The following DCAF8L2 variants were observed in gnomAD, a reference collection of about 807,000 sequenced individuals.
DCAF8L2 encodes DDB1 and CUL4 associated factor 8 like 2.
For missense variants in DCAF8L2, 430 were observed against 490.7 expected (o/e 0.88, Z 1.17); for synonymous variants, 200 against 190.9 (o/e 1.05, Z -0.39).
chrX:27,715,447 CATGACACTTTAACTCAATGGTT>C (rs1281769646), intron 3 of DCAF8L2, among the ~76,000 whole-genome samples: 1 of 109,548 alleles, frequency 9.1e-6, no homozygotes, highest in Non-Finnish European at 1.9e-5. Flanking sequence ...TAATAAACGT[CATGACACTTTAACTCAATGGTT>C]AAGAGCACAG....
chrX:27,471,233 A>T, the DCAF8L2 span, among the ~76,000 whole-genome samples: 1 of 111,949 alleles, frequency 8.9e-6, no homozygotes. Flanking sequence ...GTGGTTCAAG[A>T]TTTCTATTAA....
intron 3 of DCAF8L2, among the ~76,000 whole-genome samples, chrX:27,699,828 A>G (rs963613262): frequency 9.0e-6 from 1 of 110,861 alleles, no homozygotes; most frequent in Non-Finnish European, 1.9e-5. Flanking sequence ...GGAGATGGAG[A>G]CCAGCCTGGG....
chrX:27,678,368 A>G (rs188622719), intron 3 of DCAF8L2, among the ~76,000 whole-genome samples: 1 of 111,866 alleles, frequency 8.9e-6, no homozygotes, highest in East Asian at 2.8e-4. Context: ...GGACTCAAGC[A>G]TATAATTGTA....
At chrX:27,482,276 T>G in the DCAF8L2 span, among the ~76,000 whole-genome samples, 5 of 111,557 alleles carry the variant, frequency 4.5e-5, no homozygotes, top group African/African-American at 1.6e-4. Flanking sequence ...ATGTTAAAAT[T>G]TTGGTATGAC....
chrX:27,742,494 G>A (rs1921910315), intron 4 of DCAF8L2, among the ~76,000 whole-genome samples: 1 of 109,018 alleles, frequency 9.2e-6, no homozygotes, highest in Admixed American at 9.8e-5. Context: ...GCTTGAACCC[G>A]GGAGGCAGAG....
the DCAF8L2 span, among the ~76,000 whole-genome samples, chrX:27,511,825 C>A: frequency 6.3e-5 from 7 of 111,926 alleles, no homozygotes; most frequent in Middle Eastern, 4.7e-3. Flanking sequence ...GAAGTGAAGA[C>A]AAGAGTGGTT....
the DCAF8L2 span, among the ~76,000 whole-genome samples, chrX:27,470,828 C>T: frequency 8.9e-6 from 1 of 111,809 alleles, no homozygotes; most frequent in Non-Finnish European, 1.9e-5. Flanking sequence ...GTTTTAGATG[C>T]CTCTTAAGCA....
At chrX:27,564,038 T>C in the DCAF8L2 span, among the ~76,000 whole-genome samples, 167 of 112,218 alleles carry the variant, frequency 1.5e-3, no homozygotes, top group Middle Eastern at 4.6e-3. Flanking sequence ...TCCGTTTTCA[T>C]GCTGCTAATA....
chrX:27,703,000 G>A (rs1422066190), intron 3 of DCAF8L2, among the ~76,000 whole-genome samples: 1 of 111,693 alleles, frequency 9.0e-6, no homozygotes. Context: ...CAGCAAGGCT[G>A]AAGGATACAA....
the DCAF8L2 span, among the ~76,000 whole-genome samples, chrX:27,498,321 C>T: frequency 8.9e-6 from 1 of 112,372 alleles, no homozygotes; most frequent in Non-Finnish European, 1.9e-5. Flanking sequence ...AATTTCTCCA[C>T]ATCCTCACCA....
At chrX:27,664,931 C>T (rs1209845688) in intron 2 of DCAF8L2, among the ~76,000 whole-genome samples, 1 of 111,365 alleles carries the variant, frequency 9.0e-6, no homozygotes, top group Non-Finnish European at 1.9e-5. Context: ...AACATTACTG[C>T]TCATTGACAA....
the DCAF8L2 span, among the ~76,000 whole-genome samples, chrX:27,572,212 A>T: frequency 9.0e-6 from 1 of 111,434 alleles, no homozygotes; most frequent in East Asian, 2.8e-4. Flanking sequence ...CTGTGGCTAT[A>T]GCTTCTGGGG....
the DCAF8L2 span, among the ~76,000 whole-genome samples, chrX:27,563,289 ATTGT>A: frequency 9.0e-6 from 1 of 110,923 alleles, no homozygotes. Context: ...GCTGGTTTTT[ATTGT>A]TTAACATTTT....
the DCAF8L2 span, among the ~76,000 whole-genome samples, chrX:27,504,677 G>A: frequency 2.2e-4 from 24 of 111,353 alleles, no homozygotes; most frequent in African/African-American, 7.8e-4. Flanking sequence ...AGTGGATATG[G>A]GAGGAATGAA....
chrX:27,549,263 G>A, the DCAF8L2 span, among the ~76,000 whole-genome samples: 1 of 110,960 alleles, frequency 9.0e-6, no homozygotes, highest in African/African-American at 3.3e-5. Flanking sequence ...GATGAACTAG[G>A]ACACTTCCAA....
chrX:27,494,431 A>T, the DCAF8L2 span, among the ~76,000 whole-genome samples: 19 of 110,115 alleles, frequency 1.7e-4, no homozygotes, highest in Middle Eastern at 4.7e-3. Context: ...AATAAAAATT[A>T]AAAAAAAAGA....
chrX:27,547,820 GCTCTCTCTCTCTCT>G, the DCAF8L2 span, among the ~76,000 whole-genome samples: 1 of 66,629 alleles, frequency 1.5e-5, no homozygotes, highest in Non-Finnish European at 3.0e-5. Context: ...TTCCCCATTT[GCTCTCTCTCTCTCT>G]CTCTCTCTCT....
chrX:27,565,311 A>G, the DCAF8L2 span, among the ~76,000 whole-genome samples: 1 of 111,304 alleles, frequency 9.0e-6, no homozygotes, highest in Non-Finnish European at 1.9e-5. Flanking sequence ...TGAGATGATT[A>G]TGTGGTTCTT....
In DCAF8L2 at chrX:27,694,375, A is replaced by C. The variant is rs759184619; in HGVS notation, c.-143+16463A>C. Among the ~76,000 whole-genome samples, 3 of 112,112 alleles carry C rather than the reference A, an allele frequency of 2.7e-5. No homozygotes were observed. The East Asian group carries it at 8.4e-4, about 31-fold the overall frequency. On this transcript the variant is annotated intron_variant, in intron 3 of 4. Coordinates refer to ENST00000451261, the MANE Select transcript of DCAF8L2 (RefSeq NM_001353450.2). ...AACATAAAAATGGAAATTATTTTTT[A>C]AAATAATAATTTCCTCTATTTTTAT...
Sources: gnomAD v4.1 joint callset for allele counts (sites outside exome capture counted in the v4.1 genomes callset) on GRCh38, gnomAD v4.1.1 for gene constraint, MANE v1.5 for transcripts, NCBI Gene and HGNC (gene_info 2026-07-23, HGNC 2026-07-21) for gene names.